Variants in COL4A1 observed in about 807,000 individuals in gnomAD.
The protein encoded by COL4A1 is collagen alpha-1(IV) chain.
In COL4A1, 40 loss-of-function variants were observed where a neutral mutation model predicts 216.6. The ratio of observed to expected loss-of-function variants is 0.18; its 90% CI spans 0.14 to 0.24. COL4A1 has a LOEUF of 0.24. Among genes scored for constraint, COL4A1 ranks in the 10% least tolerant of loss-of-function variants. The pLI, the probability that COL4A1 is intolerant of heterozygous loss-of-function variation, is 1.00. For synonymous variants in COL4A1, 839 were observed against 810.7 expected (o/e 1.03, Z -0.59); for missense variants, 1,628 against 2,196.8 (o/e 0.74, Z 5.18).
At chr13:110,178,683 A>G (rs1878001516) in intron 31 of COL4A1, among the ~76,000 whole-genome samples, 1 of 152,232 alleles carries the variant, frequency 6.6e-6, no homozygotes, top group Non-Finnish European at 1.5e-5. Context: ...AACGTGACGG[A>G]GTACACAATA....
At chr13:110,297,934 A>G (rs77113554) in intron 1 of COL4A1, among the ~76,000 whole-genome samples, 2,502 of 152,068 alleles carry the variant, frequency 0.016, 64 homozygotes, top group African/African-American at 0.055. Context: ...AAAAAAAAAA[A>G]AGAGAGAGAG....
chr13:110,201,890 G>A (rs973273437), intron 18 of COL4A1, among the ~76,000 whole-genome samples: 3 of 152,218 alleles, frequency 2.0e-5, no homozygotes, highest in Non-Finnish European at 4.4e-5. Context: ...GCTGAGACGG[G>A]AGAATCGCTC....
intron 1 of COL4A1, among the ~76,000 whole-genome samples, chr13:110,266,779 C>A (rs749970901): frequency 5.3e-5 from 8 of 152,180 alleles, no homozygotes; most frequent in Non-Finnish European, 1.0e-4. Context: ...AACTTAATCT[C>A]AAATGGCACA....
rs1465986096 is a variant in COL4A1, at chr13:110,219,670, A to ATATATGTG, written c.145-5656_145-5655insCACATATA. On this transcript the variant is annotated intron_variant, in intron 2 of 51. Transcript: ENST00000375820. Reference sequence around the variant, plus strand: ...AAAATATATATATATATGTATATATATATATATGTGTATATATATGTATAT... The same window carrying ATATATGTG: ...AAAATATATATATATATGTATATATATATATGTGTATATATGTGTATATATATGTATAT... 4.2e-3 allele frequency among the ~76,000 whole-genome samples: 307 copies of ATATATGTG among 72,588 alleles called. 4 individuals carry two copies. Among genetic ancestry groups the ATATATGTG allele is most frequent in the African/African-American group, 8.7e-3 (194 of 22,404 alleles). 47.6% of individuals were successfully genotyped at this position (72,588 alleles called of 152,430 possible).
chr13:110,302,914 C>T (rs140586253), intron 1 of COL4A1, among the ~76,000 whole-genome samples: 5 of 152,318 alleles, frequency 3.3e-5, no homozygotes, highest in African/African-American at 1.2e-4. Flanking sequence ...CCTTGTGAGA[C>T]ATTTTAATGA....
chr13:110,163,389 C>G, intron 47 of COL4A1, 74 bp downstream of exon 47: 1 of 1,304,676 alleles, frequency 7.7e-7, no homozygotes, highest in Non-Finnish European at 1.1e-6. Flanking sequence ...TGCTGTTTCC[C>G]CATGCCTGGT....
intron 31 of COL4A1, 47 bp downstream of exon 31, chr13:110,178,876 A>G: frequency 6.9e-7 from 1 of 1,457,362 alleles, no homozygotes; most frequent in Non-Finnish European, 9.5e-7. Context: ...CATGCTTCAG[A>G]AAAGCATGCT....
chr13:110,230,341 G>A (rs1880975715), intron 2 of COL4A1, among the ~76,000 whole-genome samples: 1 of 152,042 alleles, frequency 6.6e-6, no homozygotes, highest in African/African-American at 2.4e-5. Flanking sequence ...CGTGATGTGT[G>A]CATGCACACA....
chr13:110,276,492 C>T (rs982470779), intron 1 of COL4A1, among the ~76,000 whole-genome samples: 17 of 152,128 alleles, frequency 1.1e-4, no homozygotes, highest in African/African-American at 2.7e-4. Flanking sequence ...CCTCTACACC[C>T]GGAGCGTTTT....
intron 1 of COL4A1, among the ~76,000 whole-genome samples, chr13:110,296,170 G>T (rs931459634): frequency 1.3e-5 from 2 of 152,254 alleles, no homozygotes; most frequent in Non-Finnish European, 2.9e-5. Context: ...GAGAAGTGAA[G>T]CTACGGAGAT....
At chr13:110,192,330 G>C (rs1396444263) in intron 23 of COL4A1, 46 bp from the exon 24 acceptor site, 1 of 1,563,762 alleles carries the variant, frequency 6.4e-7, no homozygotes, top group Admixed American at 1.7e-5. Flanking sequence ...GCATTCATGA[G>C]ACACTTCTCA....
intron 1 of COL4A1, among the ~76,000 whole-genome samples, chr13:110,283,452 A>G (rs930011588): frequency 9.2e-5 from 14 of 152,254 alleles, no homozygotes; most frequent in African/African-American, 2.7e-4. Context: ...AAGAACAGCA[A>G]GAATACAAAG....
At chr13:110,171,661 C>G (rs1877648209) in intron 41 of COL4A1, among the ~76,000 whole-genome samples, 1 of 152,230 alleles carries the variant, frequency 6.6e-6, no homozygotes, top group African/African-American at 2.4e-5. Flanking sequence ...GGATTCTCTT[C>G]TCCTGGGGAT....
chr13:110,172,571 C>T (rs1877695208), intron 41 of COL4A1, 149 bp downstream of exon 41: 1 of 771,668 alleles, frequency 1.3e-6, no homozygotes, highest in Non-Finnish European at 2.4e-6. Flanking sequence ...GTCTTGCAGG[C>T]ATTGCCCTCT....
rs114765637 is a variant in COL4A1 at position 110,245,816 on chromosome 13, G to A, written c.85-3082C>T. 5.1e-3 allele frequency among the ~76,000 whole-genome samples: 770 copies of A among 152,244 alleles called. 5 individuals carry two copies. The highest frequency in any genetic ancestry group is 0.018 in the African/African-American group (733 of 41,536). ...TACAGAAACACCCCCAGCCGGTGCC[G>A]GTGACAGGCGGGTGGGTAGTTTTAC... On this transcript the variant is annotated intron_variant, in intron 1 of 51. Transcript: ENST00000375820.
At chr13:110,160,996 A>G in intron 49 of COL4A1, 196 bp downstream of exon 49, 1 of 672,616 alleles carries the variant, frequency 1.5e-6, no homozygotes, top group South Asian at 1.8e-5. Flanking sequence ...GGCATGAGCC[A>G]CTGTGCCCAG....
intron 2 of COL4A1, among the ~76,000 whole-genome samples, chr13:110,217,424 T>TA (rs1880144212): frequency 6.6e-6 from 1 of 152,098 alleles, no homozygotes; most frequent in Non-Finnish European, 1.5e-5. Context: ...TGTGCACAGT[T>TA]AGAGTCAGGG....
At chr13:110,243,859 T>C (rs1370592710) in intron 1 of COL4A1, among the ~76,000 whole-genome samples, 1 of 152,218 alleles carries the variant, frequency 6.6e-6, no homozygotes, top group Non-Finnish European at 1.5e-5. Context: ...TAGGACAAAG[T>C]TGAAATTAGA....
At chr13:110,174,055 C>T in intron 39 of COL4A1, 57 bp from the exon 40 acceptor site, 1 of 1,590,202 alleles carries the variant, frequency 6.3e-7, no homozygotes. Context: ...ACCCTAGCTG[C>T]CATACAAAAT....
Sources: gnomAD v4.1 joint callset for allele counts (sites outside exome capture counted in the v4.1 genomes callset) on GRCh38, gnomAD v4.1.1 for gene constraint, MANE v1.5 for transcripts, NCBI Gene and HGNC (gene_info 2026-07-23, HGNC 2026-07-21) for gene names.